The following PRKN variants were observed in gnomAD, a reference collection of about 807,000 sequenced individuals.
PRKN encodes E3 ubiquitin-protein ligase parkin.
Under a neutral mutation model 59.5 loss-of-function variants are expected in PRKN, and 56 were observed. That is an observed-to-expected ratio of 0.94 (90% CI 0.76 to 1.18). The LOEUF is 1.18. Ranked by LOEUF, PRKN falls within the 50% of genes most tolerant of loss-of-function variation. PRKN has a pLI of 0.00. For missense variants in PRKN, 657 were observed against 596.4 expected (o/e 1.10, Z -1.06); for synonymous variants, 250 against 222.1 (o/e 1.13, Z -1.12).
At chr6:162,165,634 C>T (rs557498238) in intron 4 of PRKN, among the ~76,000 whole-genome samples, 16 of 149,334 alleles carry the variant, frequency 1.1e-4, no homozygotes, top group African/African-American at 4.0e-4. Context: ...GCATCCGAGG[C>T]GGCGGAGCCA....
intron 4 of PRKN, among the ~76,000 whole-genome samples, chr6:162,171,811 A>G (rs1276234598): frequency 6.6e-6 from 1 of 152,020 alleles, no homozygotes. Flanking sequence ...ATACTTGCTT[A>G]TTTTGCATTT....
chr6:162,533,369 C>T (rs1483491038), intron 1 of PRKN, among the ~76,000 whole-genome samples: 1 of 151,600 alleles, frequency 6.6e-6, no homozygotes, highest in African/African-American at 2.4e-5. Context: ...ACTATAAATA[C>T]AAAAAAAAGT....
chr6:162,341,010 A>G (rs1425197367), intron 2 of PRKN, among the ~76,000 whole-genome samples: 1 of 152,136 alleles, frequency 6.6e-6, no homozygotes, highest in Non-Finnish European at 1.5e-5. Flanking sequence ...AATTTTTGCA[A>G]TCTATCTATC....
intron 7 of PRKN, among the ~76,000 whole-genome samples, chr6:161,591,458 G>T (rs1453044012): frequency 1.3e-5 from 2 of 152,152 alleles, no homozygotes; most frequent in Non-Finnish European, 2.9e-5. Flanking sequence ...CCCACAGGAG[G>T]GCTCCCCGGC....
At chr6:162,552,631 A>C (rs1466820678) in intron 1 of PRKN, among the ~76,000 whole-genome samples, 1 of 152,168 alleles carries the variant, frequency 6.6e-6, no homozygotes, top group East Asian at 1.9e-4. Flanking sequence ...GATGTTTGAG[A>C]AACATCCGCG....
intron 8 of PRKN, among the ~76,000 whole-genome samples, chr6:161,564,615 TGTAA>T (rs959059163): frequency 6.6e-6 from 1 of 152,240 alleles, no homozygotes; most frequent in African/African-American, 2.4e-5. Context: ...TCTACAGTGT[TGTAA>T]GTAAAACATT....
At position 161,356,448 on chromosome 6, in the gene PRKN, T is replaced by C. The variant is rs1784755860; in HGVS notation, c.1285+3640A>G. Among the ~76,000 whole-genome samples the C allele has an allele frequency of 1.3e-5, 2 of 152,274 alleles. No individual in the cohort carries two copies. The highest frequency in any genetic ancestry group is 1.9e-4 in the East Asian group (1 of 5,164). On this transcript the variant is annotated intron_variant, in intron 11 of 11. Transcript: ENST00000366898. The surrounding 1 kb of genome is among the most constrained non-coding windows in gnomAD (Gnocchi z 7.8). ...CCCGGGGGGAAGGGCAGGACTGACA[T>C]GGCCTTTGAGAAGTCTACACGTCTA... is the stretch of plus-strand genomic sequence containing the variant.
intron 2 of PRKN, among the ~76,000 whole-genome samples, chr6:162,276,200 A>G (rs1017558757): frequency 2.0e-5 from 3 of 152,210 alleles, no homozygotes; most frequent in African/African-American, 7.2e-5. Context: ...AGGGTTTTAA[A>G]TAATCTCCTT....
chr6:162,316,129 T>C lies in PRKN; in HGVS notation c.172-53364A>G, dbSNP rs1467415645. 2.0e-5 allele frequency among the ~76,000 whole-genome samples: 3 copies of C among 151,818 alleles called. No homozygotes were observed. In the East Asian group the frequency reaches 5.8e-4, roughly 29 times the overall value. On this transcript the variant is annotated intron_variant, in intron 2 of 11. Coordinates refer to ENST00000366898, the MANE Select transcript of PRKN (RefSeq NM_004562.3). ...ACAGTTCTGCAAAAGGGATAGGAGC[T>C]GGGGAAATCAAGAGGAGCAGTGGCC...
intron 8 of PRKN, among the ~76,000 whole-genome samples, chr6:161,567,486 C>T (rs1002220812): frequency 6.6e-6 from 1 of 151,928 alleles, no homozygotes; most frequent in African/African-American, 2.4e-5. Context: ...TCCCTGTAAC[C>T]TAGGATGGTA....
intron 6 of PRKN, among the ~76,000 whole-genome samples, chr6:161,815,536 T>C (rs774589080): frequency 1.1e-4 from 17 of 152,222 alleles, no homozygotes; most frequent in Non-Finnish European, 2.1e-4. Context: ...GCACTGAATT[T>C]ATCTCCCTCC....
chr6:162,071,673 T>C (rs186927051), intron 4 of PRKN, among the ~76,000 whole-genome samples: 186 of 151,826 alleles, frequency 1.2e-3, no homozygotes, highest in Middle Eastern at 6.8e-3. Context: ...CCTGGCAAAC[T>C]GCAACCTCTG....
chr6:162,247,879 G>C (rs1031636603), intron 3 of PRKN, among the ~76,000 whole-genome samples: 3 of 152,022 alleles, frequency 2.0e-5, no homozygotes, highest in East Asian at 3.9e-4. Context: ...TGATTAAATC[G>C]ATAATTAAAG....
chr6:162,549,081 C>T (rs762637504), intron 1 of PRKN, among the ~76,000 whole-genome samples: 10 of 151,926 alleles, frequency 6.6e-5, no homozygotes, highest in Non-Finnish European at 1.3e-4. Context: ...GTAGGGCATT[C>T]GGAGGGTTAT....
At chr6:161,833,398 G>A (rs1374848617) in intron 6 of PRKN, among the ~76,000 whole-genome samples, 18 of 152,198 alleles carry the variant, frequency 1.2e-4, no homozygotes, top group Non-Finnish European at 8.8e-5. Flanking sequence ...GATAAGTTAG[G>A]TAGCTTATAA....
At chr6:161,648,721 G>A (rs6939092) in intron 7 of PRKN, among the ~76,000 whole-genome samples, 60,718 of 151,936 alleles carry the variant, frequency 0.4, 14,326 homozygotes, top group African/African-American at 0.66. Flanking sequence ...CTTAGGTTCA[G>A]GTGTCTGCAG....
intron 2 of PRKN, among the ~76,000 whole-genome samples, chr6:162,312,715 C>T (rs1782571515): frequency 1.3e-5 from 2 of 152,064 alleles, no homozygotes; most frequent in South Asian, 2.1e-4. Context: ...GTCATAAAGC[C>T]TTTGTGGATC....
intron 4 of PRKN, among the ~76,000 whole-genome samples, chr6:162,071,855 C>T (rs1778589855): frequency 6.6e-6 from 1 of 152,020 alleles, no homozygotes; most frequent in Non-Finnish European, 1.5e-5. Context: ...TGTCGGCCTC[C>T]CAAAGTACTA....
rs142183459 is a variant in PRKN at position 161,499,164 on chromosome 6, T to A, written c.1083+49690A>T. ...TTTTTTTTTTGGCTCACAGAGTGCT[T>A]GAAAAGAATCTAAGACAACATTTAC... On this transcript the variant is annotated intron_variant, in intron 9 of 11. Coordinates refer to ENST00000366898, the MANE Select transcript of PRKN (RefSeq NM_004562.3). The surrounding 1 kb of genome is among the most constrained non-coding windows in gnomAD (Gnocchi z 4.2). Among the ~76,000 whole-genome samples the A allele has an allele frequency of 8.2e-4, 124 of 151,652 alleles. No homozygotes were observed. The highest frequency in any genetic ancestry group is 2.9e-3 in the African/African-American group (120 of 41,264).
Sources: allele counts gnomAD v4.1 joint callset (sites outside exome capture counted in the v4.1 genomes callset), GRCh38; gene constraint gnomAD v4.1.1; non-coding constraint Gnocchi (gnomAD v3.1); transcripts MANE v1.5; gene names NCBI Gene and HGNC (gene_info 2026-07-23, HGNC 2026-07-21).